Variants in DERA observed in about 807,000 individuals in gnomAD.
DERA encodes 2-deoxy-D-ribose 5-phosphate aldolase.
DERA carries 15 observed loss-of-function variants against 41.1 expected under a neutral mutation model. That is an observed-to-expected ratio of 0.37 (90% CI 0.24 to 0.56). The LOEUF is 0.56. Among genes scored for constraint, DERA ranks in the 20% least tolerant of loss-of-function variants. The pLI, the probability that DERA is intolerant of heterozygous loss-of-function variation, is 0.81. For missense variants in DERA, 396 were observed against 403.4 expected, an observed-to-expected ratio of 0.98 and a Z score of 0.16; for synonymous variants, 139 against 137.4, an observed-to-expected ratio of 1.01 and a Z score of -0.08.
rs766572270 is a variant in DERA, at chr12:15,956,975, C to A, written c.71C>A (p.Ala24Glu). The A allele has an allele frequency of 1.2e-6, 2 of 1,613,912 alleles. No individual in the cohort carries two copies. Among genetic ancestry groups the A allele is most frequent in the Non-Finnish European group, 1.7e-6 (2 of 1,179,858 alleles). ...WISKIQVNHPAVLRRAEQIQA... is the reference protein window; with the variant it reads ...WISKIQVNHPEVLRRAEQIQA... Reference sequence around the variant, plus strand: ...TCCAAAATACAAGTGAATCACCCGGCAGTTCTGAGGCGTGCGGAACAAATC... The same window carrying A: ...TCCAAAATACAAGTGAATCACCCGGAAGTTCTGAGGCGTGCGGAACAAATC... The change falls in exon 2 of 9, where the codon GCA becomes GAA. Residue 24 changes from alanine to glutamate, a missense_variant. Ala to Glu is a moderately radical substitution (Grantham distance 107, BLOSUM62 -1). Transcript: ENST00000428559.
chr12:15,995,177 G>A lies in DERA; in HGVS notation c.637+12741G>A, dbSNP rs1948828961. Among the ~76,000 whole-genome samples, 1 of 152,230 alleles carries A rather than the reference G, an allele frequency of 6.6e-6. No individual in the cohort carries two copies. Among genetic ancestry groups the A allele is most frequent in the African/African-American group, 2.4e-5 (1 of 41,454 alleles). On this transcript the variant is annotated intron_variant, in intron 6 of 8. Transcript: ENST00000428559. The surrounding 1 kb of genome is among the most constrained non-coding windows in gnomAD (Gnocchi z 5.1). ...AGATGTTTCTAGAGGCCCTGAATGA[G>A]ATTGTATGTTGCACTTTACTTTTCT...
At chr12:15,947,848 G>A (rs1381366951) in intron 1 of DERA, among the ~76,000 whole-genome samples, 6 of 152,114 alleles carry the variant, frequency 3.9e-5, no homozygotes, top group Admixed American at 1.3e-4. Context: ...GGCTGGTACC[G>A]GTTGTTCCTT....
In DERA at chr12:16,036,641, G is replaced by C; in HGVS notation, c.901-49G>C. On this transcript the variant is annotated intron_variant, in intron 8 of 8. Transcript: ENST00000428559. This position sits in a 1 kb window ranked among gnomAD's most constrained non-coding sequence, Gnocchi z 4.9. The stretch of plus-strand genomic sequence containing the variant: ...TTTGATAGTATAATTATTAACTGAT[G>C]TGTATAATTATAGAATGATTGTTAA... The C allele has an allele frequency of 7.7e-7, 1 of 1,305,196 alleles. No individual in the cohort carries two copies. The highest frequency in any genetic ancestry group is 1.1e-6 in the Non-Finnish European group (1 of 915,076). The allele number at this position is 1,305,196 out of a possible 1,614,324, so 80.9% of individuals were successfully genotyped here. A position where few individuals can be genotyped will look rare whatever the true frequency, so the allele number is the denominator to read the frequency against.
At position 15,996,738 on chromosome 12, in the gene DERA, T is replaced by C. The variant is rs903367415; in HGVS notation, c.637+14302T>C. The stretch of plus-strand genomic sequence containing the variant: ...GGATTCTTGCTTTATGGTCTTATTA[T>C]TTTCTGTCAAGAAGACCTGAAGAAG... On this transcript the variant is annotated intron_variant, in intron 6 of 8. Coordinates refer to ENST00000428559, the MANE Select transcript of DERA (RefSeq NM_015954.4). This position sits in a 1 kb window ranked among gnomAD's most constrained non-coding sequence, Gnocchi z 4.7. Among the ~76,000 whole-genome samples the C allele has an allele frequency of 1.3e-5, 2 of 152,230 alleles. No individual in the cohort carries two copies. The highest frequency in any genetic ancestry group is 6.5e-5 in the Admixed American group (1 of 15,284).
intron 1 of DERA, among the ~76,000 whole-genome samples, chr12:15,912,230 T>C (rs1393174481): frequency 6.6e-6 from 1 of 152,044 alleles, no homozygotes; most frequent in Non-Finnish European, 1.5e-5. Flanking sequence ...TTAACGAGCA[T>C]GCTGCCTTCA....
chr12:15,959,331 A>G lies in DERA; in HGVS notation c.278-498A>G, dbSNP rs1003240464. ...ATTTATGAACTTATTTCTTAAAATC[A>G]GGGCTTCCGTTTCAGATTTTATTAT... On this transcript the variant is annotated intron_variant, in intron 3 of 8. Transcript: ENST00000428559. The surrounding 1 kb of genome is among the most constrained non-coding windows in gnomAD (Gnocchi z 4.5). Among the ~76,000 whole-genome samples the G allele has an allele frequency of 7.9e-5, 12 of 152,214 alleles. No individual in the cohort carries two copies. The highest frequency in any genetic ancestry group is 2.9e-4 in the African/African-American group (12 of 41,446).
chr12:15,953,633 G>A (rs1948515518), intron 1 of DERA, among the ~76,000 whole-genome samples: 1 of 152,088 alleles, frequency 6.6e-6, no homozygotes, highest in African/African-American at 2.4e-5. Context: ...CTCCCCAAAG[G>A]CATGTGTACT....
intron 5 of DERA, among the ~76,000 whole-genome samples, chr12:15,979,514 T>G (rs1198966158): frequency 6.6e-6 from 1 of 152,206 alleles, no homozygotes; most frequent in Non-Finnish European, 1.5e-5. Context: ...AAGACCAGAT[T>G]TGGTATAACT....
In DERA at chr12:15,915,725, G is replaced by T. The variant is rs950994828; in HGVS notation, c.31+4311G>T. Among the ~76,000 whole-genome samples the T allele has an allele frequency of 9.9e-5, 15 of 152,212 alleles. No individual in the cohort carries two copies. Among genetic ancestry groups the T allele is most frequent in the African/African-American group, 3.6e-4 (15 of 41,450 alleles). On this transcript the variant is annotated intron_variant, in intron 1 of 8. Transcript: ENST00000428559. This position sits in a 1 kb window ranked among gnomAD's most constrained non-coding sequence, Gnocchi z 4.8. ...TGGGTATAATGATAGTGTCAACACAGAGCTCTAGCTACTTGTAAGGCACTA... is the reference window on the plus strand; with the variant it reads ...TGGGTATAATGATAGTGTCAACACATAGCTCTAGCTACTTGTAAGGCACTA...
rs1351383547 is a variant in DERA, at chr12:15,936,886, T to TTGTCTTGTCTTGTCTTGTCC, written c.32-20046_32-20045insTTGTCTTGTCTTGTCCTGTC. On this transcript the variant is annotated intron_variant, in intron 1 of 8. Coordinates refer to ENST00000428559, the MANE Select transcript of DERA (RefSeq NM_015954.4). This position sits in a 1 kb window ranked among gnomAD's most constrained non-coding sequence, Gnocchi z 4.6. The stretch of plus-strand genomic sequence containing the variant: ...TTGTCTTGTCTTGTCTTGTCTTGTC[T>TTGTCTTGTCTTGTCTTGTCC]TGTCCTGTCCTGTCCTGTCCTGTCC... Among the ~76,000 whole-genome samples the TTGTCTTGTCTTGTCTTGTCC allele has an allele frequency of 2.2e-5, 3 of 136,876 alleles. No homozygotes were observed. Among genetic ancestry groups the TTGTCTTGTCTTGTCTTGTCC allele is most frequent in the East Asian group, 2.1e-4 (1 of 4,754 alleles). The allele number at this position is 136,876 out of a possible 152,430, so 89.8% of individuals were successfully genotyped here. A position where few individuals can be genotyped will look rare whatever the true frequency, so the allele number is the denominator to read the frequency against.
intron 1 of DERA, among the ~76,000 whole-genome samples, chr12:15,953,699 A>G (rs771930996): frequency 1.3e-5 from 2 of 152,204 alleles, no homozygotes; most frequent in African/African-American, 4.8e-5. Context: ...GATTATGTGC[A>G]TTAGAATCAC....
chr12:15,942,728 T>G (rs1451483596), intron 1 of DERA, among the ~76,000 whole-genome samples: 1 of 152,152 alleles, frequency 6.6e-6, no homozygotes, highest in African/African-American at 2.4e-5. Flanking sequence ...TTGGTTTTCT[T>G]TTAGAGTGAA....
chr12:15,925,930 C>A (rs556103614), intron 1 of DERA, among the ~76,000 whole-genome samples: 1 of 145,028 alleles, frequency 6.9e-6, no homozygotes, highest in Non-Finnish European at 1.5e-5. Context: ...CAGGTTCAAG[C>A]AATTCTCCTG....
rs981123249 is a variant in DERA at position 15,924,070 on chromosome 12, A to G, written c.31+12656A>G. Among the ~76,000 whole-genome samples the G allele has an allele frequency of 3.3e-5, 5 of 152,240 alleles. No individual in the cohort carries two copies. Among genetic ancestry groups the G allele is most frequent in the African/African-American group, 1.2e-4 (5 of 41,452 alleles). On this transcript the variant is annotated intron_variant, in intron 1 of 8. Coordinates refer to ENST00000428559, the MANE Select transcript of DERA (RefSeq NM_015954.4). The surrounding 1 kb of genome is among the most constrained non-coding windows in gnomAD (Gnocchi z 5.0). ...AAATAATTCTATCCAGAAATATTTGAATGATGTTAGCCAGGTAAGAATTCT... is the reference window on the plus strand; with the variant it reads ...AAATAATTCTATCCAGAAATATTTGGATGATGTTAGCCAGGTAAGAATTCT...
chr12:15,925,822 C>CTTTTTTT (rs35956433), intron 1 of DERA, among the ~76,000 whole-genome samples: 14 of 95,270 alleles, frequency 1.5e-4, no homozygotes, highest in African/African-American at 2.6e-4. Context: ...ACTCCTGAGG[C>CTTTTTTT]TTTTTTTTTT....
chr12:15,937,118 G>A (rs1948374155), intron 1 of DERA, among the ~76,000 whole-genome samples: 1 of 152,018 alleles, frequency 6.6e-6, no homozygotes, highest in Admixed American at 6.6e-5. Flanking sequence ...GCACGACCTG[G>A]CTAATTTTTA....
intron 1 of DERA, among the ~76,000 whole-genome samples, chr12:15,942,265 C>G (rs1166160250): frequency 6.6e-6 from 1 of 152,004 alleles, no homozygotes; most frequent in Non-Finnish European, 1.5e-5. Context: ...GAATGCTATT[C>G]TTTTGTCGGA....
At position 16,001,161 on chromosome 12, in the gene DERA, C is replaced by T. The variant is rs575991834; in HGVS notation, c.637+18725C>T. On this transcript the variant is annotated intron_variant, in intron 6 of 8. Coordinates refer to ENST00000428559, the MANE Select transcript of DERA (RefSeq NM_015954.4). The surrounding 1 kb of genome is among the most constrained non-coding windows in gnomAD (Gnocchi z 4.1). The stretch of plus-strand genomic sequence containing the variant: ...ATTTCTTCCTGCTAAAATTCGGGCT[C>T]CCATTAGAGGATGGGTCAGTAGGTG... Among the ~76,000 whole-genome samples the T allele has an allele frequency of 3.0e-4, 45 of 152,268 alleles. No individual in the cohort carries two copies. Among genetic ancestry groups the T allele is most frequent in the Non-Finnish European group, 5.0e-4 (34 of 68,008 alleles).
chr12:15,953,452 A>AAAT (rs976047099), intron 1 of DERA, among the ~76,000 whole-genome samples: 2 of 152,140 alleles, frequency 1.3e-5, no homozygotes, highest in Non-Finnish European at 1.5e-5. Context: ...CTTGAACCAG[A>AAAT]AATAATAATA....
Sources: gnomAD v4.1 joint callset for allele counts (sites outside exome capture counted in the v4.1 genomes callset) on GRCh38, gnomAD v4.1.1 for gene constraint, Gnocchi (gnomAD v3.1) non-coding constraint, MANE v1.5 for transcripts, NCBI Gene and HGNC (gene_info 2026-07-23, HGNC 2026-07-21) for gene names.